KCNIP4: variants seen among roughly 807,000 people sequenced by gnomAD.
KCNIP4 encodes potassium voltage-gated channel interacting protein 4, also known as Kv channel-interacting protein 4.
KCNIP4 carries 12 observed loss-of-function variants against 34.0 expected under a neutral mutation model. That is an observed-to-expected ratio of 0.35 (90% confidence interval 0.23 to 0.57). The LOEUF (loss-of-function observed/expected upper bound fraction) is 0.57, where lower values mean the gene tolerates loss of function less well. KCNIP4 is among the 20% of genes least tolerant of loss of function. The pLI is 0.83. For synonymous variants in KCNIP4, 124 were observed against 102.2 expected, an observed-to-expected ratio of 1.21 and a Z score of -1.29; for missense variants, 238 against 311.7, an observed-to-expected ratio of 0.76 and a Z score of 1.78.
At chr4:21,166,787 A>G (rs902775046) in intron 1 of KCNIP4, among the ~76,000 whole-genome samples, 2 of 151,978 alleles carry the variant, frequency 1.3e-5, no homozygotes, top group Non-Finnish European at 2.9e-5. Context: ...AAAAATACAA[A>G]AATTAGCCGG....
intron 1 of KCNIP4, among the ~76,000 whole-genome samples, chr4:21,542,205 A>G (rs1272503463): frequency 6.6e-6 from 1 of 152,156 alleles, no homozygotes; most frequent in Non-Finnish European, 1.5e-5. Flanking sequence ...CCAATGTGCC[A>G]ACTCATCTAG....
At position 21,804,914 on chromosome 4, in the gene KCNIP4, T is replaced by G. The variant is rs139815893; in HGVS notation, c.61+143657A>C. Among the ~76,000 whole-genome samples the G allele has an allele frequency of 2.8e-3, 425 of 152,202 alleles. 3 individuals carry two copies. The highest frequency in any genetic ancestry group is 0.012 in the South Asian group (58 of 4,822). On this transcript the variant is annotated intron_variant, in intron 1 of 8. Transcript: ENST00000382152. ...CGCTAAGAACAAATTTATACAAAGC[T>G]AAGAACAAATTTATAATGTTTACCT...
At chr4:20,820,475 T>C (rs1256617383) in intron 3 of KCNIP4, among the ~76,000 whole-genome samples, 1 of 152,132 alleles carries the variant, frequency 6.6e-6, no homozygotes, top group Non-Finnish European at 1.5e-5. Context: ...AGATGGAATT[T>C]ATACTCAAAA....
chr4:20,783,373 A>T (rs746771884), intron 3 of KCNIP4, among the ~76,000 whole-genome samples: 3 of 152,240 alleles, frequency 2.0e-5, no homozygotes, highest in Non-Finnish European at 2.9e-5. Context: ...TGATAAAGAC[A>T]TACCTGAGAC....
intron 1 of KCNIP4, chr4:21,316,424 C>T (rs1713765893): frequency 6.6e-6 from 1 of 152,124 alleles, no homozygotes; most frequent in Admixed American, 6.6e-5. Context: ...AAAAGCATAA[C>T]CCTGCAACAA....
chr4:21,634,223 C>CAAAAAAAAAAAAA (rs376741978), intron 1 of KCNIP4, among the ~76,000 whole-genome samples: 1 of 112,518 alleles, frequency 8.9e-6, no homozygotes, highest in Non-Finnish European at 1.8e-5. Context: ...GTTCTTTCCT[C>CAAAAAAAAAAAAA]AAAAAAAAAA....
intron 1 of KCNIP4, among the ~76,000 whole-genome samples, chr4:21,039,174 A>T (rs137947650): frequency 1.1e-3 from 175 of 152,304 alleles, no homozygotes; most frequent in African/African-American, 4.1e-3. Context: ...AGTCTGGCCA[A>T]CATGGTGAAA....
At chr4:21,283,860 A>T (rs1762938431) in intron 1 of KCNIP4, among the ~76,000 whole-genome samples, 1 of 152,116 alleles carries the variant, frequency 6.6e-6, no homozygotes, top group South Asian at 2.1e-4. Flanking sequence ...AAAAAAAATA[A>T]AAATAAAAAC....
At chr4:21,762,818 G>T in intron 1 of KCNIP4, 1 of 682,440 alleles carries the variant, frequency 1.5e-6, no homozygotes, top group Non-Finnish European at 2.1e-6. Context: ...CTGAATAAAT[G>T]TTCACATGAA....
Position 21,611,554 on chromosome 4 carries a change from G to A in KCNIP4, c.61+337017C>T, listed in dbSNP as rs536273717. On this transcript the variant is annotated intron_variant, in intron 1 of 8. Transcript: ENST00000382152. ...GAGCAATTAAGGAATTAACAGTGTCGAATCTTGGTTTGTTAACATTGATGA... is the reference window on the plus strand; with the variant it reads ...GAGCAATTAAGGAATTAACAGTGTCAAATCTTGGTTTGTTAACATTGATGA... Among the ~76,000 whole-genome samples, 37 of 152,234 alleles carry A rather than the reference G, an allele frequency of 2.4e-4. No individual in the cohort carries two copies. In the South Asian group the frequency reaches 6.2e-3, roughly 26 times the overall value.
chr4:21,489,394 C>T (rs1289505352), intron 1 of KCNIP4, among the ~76,000 whole-genome samples: 1 of 151,072 alleles, frequency 6.6e-6, no homozygotes, highest in African/African-American at 2.4e-5. Flanking sequence ...AGGGCCTTGC[C>T]ATGTTGAGTT....
chr4:21,291,814 G>A (rs141863958), intron 1 of KCNIP4, among the ~76,000 whole-genome samples: 2,039 of 142,886 alleles, frequency 0.014, 23 homozygotes, highest in South Asian at 0.026. Context: ...AGATCGCGCC[G>A]CTGCACTCCA....
Position 21,283,576 on chromosome 4 carries a change from C to A in KCNIP4, c.62-400867G>T, listed in dbSNP as rs1250707011. On this transcript the variant is annotated intron_variant, in intron 1 of 8. Transcript: ENST00000382152. ...TCGACCATAAGTTTTTACAGACAAACTACTCTGAACTAGTCCATGTGAAAA... is the reference window on the plus strand; with the variant it reads ...TCGACCATAAGTTTTTACAGACAAAATACTCTGAACTAGTCCATGTGAAAA... 2.8e-5 allele frequency among the ~76,000 whole-genome samples: 4 copies of A among 142,970 alleles called. 1 individual carries two copies. Among genetic ancestry groups the A allele is most frequent in the Admixed American group, 1.5e-4 (2 of 13,232 alleles). The allele number at this position is 142,970 out of a possible 152,430, so 93.8% of individuals were successfully genotyped here. A position where few individuals can be genotyped will look rare whatever the true frequency, so the allele number is the denominator to read the frequency against.
At chr4:21,397,561 T>C (rs370499207) in intron 1 of KCNIP4, among the ~76,000 whole-genome samples, 3 of 152,162 alleles carry the variant, frequency 2.0e-5, no homozygotes, top group Admixed American at 6.5e-5. Context: ...TTAAAAAGCA[T>C]ACCAAATCAC....
At chr4:21,481,210 G>A (rs1003264818) in intron 1 of KCNIP4, among the ~76,000 whole-genome samples, 4 of 152,110 alleles carry the variant, frequency 2.6e-5, no homozygotes, top group Non-Finnish European at 5.9e-5. Context: ...TGAGTTCAAG[G>A]GTTTTGGGGG....
intron 1 of KCNIP4, among the ~76,000 whole-genome samples, chr4:21,092,789 C>T (rs1460273343): frequency 1.3e-5 from 2 of 152,220 alleles, no homozygotes; most frequent in African/African-American, 4.8e-5. Context: ...TCTCTGGAAA[C>T]TCCTCAAGAA....
At chr4:21,183,868 C>G (rs1294679893) in intron 1 of KCNIP4, among the ~76,000 whole-genome samples, 2 of 152,070 alleles carry the variant, frequency 1.3e-5, no homozygotes, top group Non-Finnish European at 2.9e-5. Context: ...CTAATGTCAT[C>G]TCTTCAGAGA....
intron 1 of KCNIP4, among the ~76,000 whole-genome samples, chr4:21,104,478 T>C (rs919125985): frequency 2.6e-5 from 4 of 152,186 alleles, no homozygotes; most frequent in African/African-American, 9.7e-5. Flanking sequence ...AAGTTCTTTG[T>C]AGATTCTGGA....
At chr4:21,190,213 A>G (rs1755524299) in intron 1 of KCNIP4, among the ~76,000 whole-genome samples, 1 of 152,198 alleles carries the variant, frequency 6.6e-6, no homozygotes, top group African/African-American at 2.4e-5. Flanking sequence ...ATAATCTACT[A>G]AACAATCTTG....
Sources: allele counts gnomAD v4.1 joint callset (sites outside exome capture counted in the v4.1 genomes callset), GRCh38; gene constraint gnomAD v4.1.1; transcripts MANE v1.5; gene names NCBI Gene and HGNC (gene_info 2026-07-23, HGNC 2026-07-21).